The following PRR5L variants were observed in gnomAD, a reference collection of about 807,000 sequenced individuals.
The protein encoded by PRR5L is proline-rich protein 5-like.
PRR5L carries 21 observed loss-of-function variants against 36.4 expected under a neutral mutation model. The observed-to-expected ratio is 0.58, with a 90% CI of 0.41 to 0.83. The LOEUF (loss-of-function observed/expected upper bound fraction) is 0.83, where lower values mean the gene tolerates loss of function less well. PRR5L is among the 40% of genes least tolerant of loss of function. The pLI, the probability that PRR5L is intolerant of heterozygous loss-of-function variation, is 0.00. For synonymous variants in PRR5L, 188 were observed against 197.0 expected, an observed-to-expected ratio of 0.95 and a Z score of 0.38; for missense variants, 381 against 473.3, an observed-to-expected ratio of 0.80 and a Z score of 1.81.
intron 1 of PRR5L, among the ~76,000 whole-genome samples, chr11:36,388,409 C>T (rs1054666502): frequency 6.6e-5 from 10 of 152,064 alleles, no homozygotes; most frequent in Admixed American, 6.6e-4. Context: ...GTCACTATTG[C>T]CTTTACATTT....
rs148156400 is a variant in PRR5L, at chr11:36,339,692, C to A, written c.-126+43254C>A. On this transcript the variant is annotated intron_variant, in intron 1 of 8. Coordinates refer to ENST00000530639, the MANE Select transcript of PRR5L (RefSeq NM_001160167.2). The stretch of plus-strand genomic sequence containing the variant: ...GGGTGGAGCCAGGATTTAATCCAGG[C>A]AGCTTGATTCCTGAGCCTAGGCTCT... Among the ~76,000 whole-genome samples the A allele has an allele frequency of 6.5e-3, 990 of 152,308 alleles. 11 individuals are homozygous for A. Among genetic ancestry groups the A allele is most frequent in the African/African-American group, 0.023 (942 of 41,558 alleles).
intron 1 of PRR5L, among the ~76,000 whole-genome samples, chr11:36,332,372 G>C (rs1179129075): frequency 6.6e-6 from 1 of 152,164 alleles, no homozygotes; most frequent in South Asian, 2.1e-4. Flanking sequence ...TCCTCCGTGT[G>C]ACTTTGGCAT....
chr11:36,445,304 T>C (rs1041608250), intron 6 of PRR5L, among the ~76,000 whole-genome samples: 6 of 152,104 alleles, frequency 3.9e-5, no homozygotes, highest in African/African-American at 1.4e-4. Flanking sequence ...CAAAGGAGAG[T>C]CTGAAAAATT....
chr11:36,303,543 T>C (rs1856399106), intron 1 of PRR5L, among the ~76,000 whole-genome samples: 1 of 152,244 alleles, frequency 6.6e-6, no homozygotes, highest in Admixed American at 6.5e-5. Flanking sequence ...TTTCACTGTT[T>C]GAATTTTTTA....
chr11:36,362,199 C>T (rs1458052688), intron 1 of PRR5L: 2 of 150,794 alleles, frequency 1.3e-5, no homozygotes, highest in African/African-American at 2.4e-5. Flanking sequence ...AGGGAGAATG[C>T]TTCTGATGGG....
intron 6 of PRR5L, among the ~76,000 whole-genome samples, chr11:36,439,073 C>T (rs1472648352): frequency 2.0e-5 from 3 of 152,244 alleles, no homozygotes; most frequent in East Asian, 1.9e-4. Flanking sequence ...GGTAGCCCTA[C>T]TAGAAGGGGT....
At chr11:36,349,625 C>T (rs916027470) in intron 1 of PRR5L, among the ~76,000 whole-genome samples, 1 of 152,200 alleles carries the variant, frequency 6.6e-6, no homozygotes, top group Non-Finnish European at 1.5e-5. Flanking sequence ...CCTACCCCAG[C>T]CTCTCACAGT....
At chr11:36,363,516 A>C (rs1301275219) in intron 1 of PRR5L, among the ~76,000 whole-genome samples, 1 of 152,208 alleles carries the variant, frequency 6.6e-6, no homozygotes, top group Non-Finnish European at 1.5e-5. Context: ...CCTTCTGATA[A>C]TAAATGACCT....
intron 8 of PRR5L, among the ~76,000 whole-genome samples, chr11:36,461,554 C>T (rs925693156): frequency 1.3e-5 from 2 of 151,898 alleles, no homozygotes; most frequent in Admixed American, 6.6e-5. Flanking sequence ...ACCTGGGAAG[C>T]GGAGGTTGCA....
chr11:36,332,066 T>C (rs1856724739), intron 1 of PRR5L, among the ~76,000 whole-genome samples: 1 of 152,194 alleles, frequency 6.6e-6, no homozygotes, highest in Non-Finnish European at 1.5e-5. Flanking sequence ...AAGCTCTTAG[T>C]CTAGTTCTTG....
intron 1 of PRR5L, among the ~76,000 whole-genome samples, chr11:36,354,580 GA>G (rs778712285): frequency 2.0e-5 from 3 of 152,156 alleles, no homozygotes; most frequent in African/African-American, 4.8e-5. Context: ...TTGAAAGTGA[GA>G]AAATGTATTG....
intron 1 of PRR5L, among the ~76,000 whole-genome samples, chr11:36,343,018 T>C (rs1856831608): frequency 6.6e-6 from 1 of 152,202 alleles, no homozygotes; most frequent in East Asian, 1.9e-4. Context: ...GAGGAGATCA[T>C]GGTTTTGCAA....
intron 1 of PRR5L, among the ~76,000 whole-genome samples, chr11:36,391,207 T>C (rs1857557983): frequency 6.6e-6 from 1 of 152,192 alleles, no homozygotes; most frequent in African/African-American, 2.4e-5. Context: ...ACCCACTTCT[T>C]TATTTTAAGT....
intron 1 of PRR5L, among the ~76,000 whole-genome samples, chr11:36,349,477 C>A (rs2133486958): frequency 6.6e-6 from 1 of 152,120 alleles, no homozygotes; most frequent in Non-Finnish European, 1.5e-5. Context: ...CGAGTAGGAC[C>A]CAGGTTTCCT....
intron 4 of PRR5L, among the ~76,000 whole-genome samples, chr11:36,420,153 T>C (rs1858232856): frequency 6.6e-6 from 1 of 152,324 alleles, no homozygotes. Flanking sequence ...GACGGCACCT[T>C]AGTGAAGTCA....
chr11:36,309,776 T>C (rs1430869143), intron 1 of PRR5L, among the ~76,000 whole-genome samples: 1 of 151,962 alleles, frequency 6.6e-6, no homozygotes, highest in Non-Finnish European at 1.5e-5. Flanking sequence ...TATGTGTGTT[T>C]TGGCACACTT....
chr11:36,450,794 A>G (rs1028708797), intron 7 of PRR5L, among the ~76,000 whole-genome samples: 5 of 152,146 alleles, frequency 3.3e-5, no homozygotes, highest in African/African-American at 1.2e-4. Context: ...TCATCCACAG[A>G]AGGGGGATAA....
intron 1 of PRR5L, among the ~76,000 whole-genome samples, chr11:36,312,466 C>T (rs186588577): frequency 6.6e-6 from 1 of 152,328 alleles, no homozygotes; most frequent in Admixed American, 6.5e-5. Context: ...CAAGTAGGTG[C>T]TTGGAAGTAT....
At chr11:36,325,896 G>A (rs1047541016) in intron 1 of PRR5L, among the ~76,000 whole-genome samples, 3 of 152,020 alleles carry the variant, frequency 2.0e-5, no homozygotes, top group South Asian at 2.1e-4. Context: ...ACACATATCC[G>A]GGATTATTTT....
Sources: gnomAD v4.1 joint callset for allele counts (sites outside exome capture counted in the v4.1 genomes callset) on GRCh38, gnomAD v4.1.1 for gene constraint, MANE v1.5 for transcripts, NCBI Gene and HGNC (gene_info 2026-07-23, HGNC 2026-07-21) for gene names.